Variants in LARP1 observed in about 807,000 individuals in gnomAD.
LARP1 encodes the protein La ribonucleoprotein 1, translational regulator, also known as la-related protein 1.
LARP1 carries 36 observed loss-of-function variants against 122.7 expected under a neutral mutation model. The ratio of observed to expected loss-of-function variants is 0.29; its 90% confidence interval spans 0.22 to 0.39. The LOEUF (loss-of-function observed/expected upper bound fraction) is 0.39. Ranked by LOEUF, LARP1 falls within the 10% of genes least tolerant of loss-of-function variation. The pLI, the probability that LARP1 is intolerant of heterozygous loss-of-function variation, is 1.00. For synonymous variants in LARP1, 539 were observed against 528.7 expected, an observed-to-expected ratio of 1.02 and a Z score of -0.27; for missense variants, 1,040 against 1,403.6, an observed-to-expected ratio of 0.74 and a Z score of 4.14.
chr5:154,688,423 G>T (rs1300566112), intron 1 of LARP1, among the ~76,000 whole-genome samples: 1 of 152,084 alleles, frequency 6.6e-6, no homozygotes, highest in Non-Finnish European at 1.5e-5. Flanking sequence ...GGCTGAGTGG[G>T]CAGATCACGT....
At chr5:154,788,614 G>A (rs1339540648) in intron 1 of LARP1, among the ~76,000 whole-genome samples, 1 of 152,146 alleles carries the variant, frequency 6.6e-6, no homozygotes, top group Non-Finnish European at 1.5e-5. Context: ...GGTGAGCAGA[G>A]CCACAGGATG....
chr5:154,803,422 C>T lies in LARP1; in HGVS notation c.2233+9C>T, dbSNP rs760282708. The T allele has an allele frequency of 3.1e-6, 5 of 1,614,188 alleles. No homozygotes were observed. The South Asian group carries it at 3.3e-5, about 11-fold the overall frequency. Reference sequence around the variant, plus strand: ...ACCTCGGTTCCAGCAAGGTGAGAAGCAGACACCTGAGATCCTGACATGGGT... The same window carrying T: ...ACCTCGGTTCCAGCAAGGTGAGAAGTAGACACCTGAGATCCTGACATGGGT... On this transcript the variant is annotated intron_variant, in intron 12 of 18. Transcript: ENST00000518297. The surrounding 1 kb of genome is among the most constrained non-coding windows in gnomAD (Gnocchi z 4.4).
intron 1 of LARP1, among the ~76,000 whole-genome samples, chr5:154,770,185 G>A (rs1326613082): frequency 6.6e-6 from 1 of 151,760 alleles, no homozygotes; most frequent in Non-Finnish European, 1.5e-5. Flanking sequence ...AGTAGTCCAG[G>A]AAAAAGATGG....
chr5:154,705,877 AAAAC>A (rs1292420073), intron 1 of LARP1: 2 of 152,234 alleles, frequency 1.3e-5, no homozygotes, highest in Non-Finnish European at 2.9e-5. Flanking sequence ...CTATATATCA[AAAAC>A]AAAATAAATC....
At chr5:154,805,631 A>G (rs1031128315) in intron 14 of LARP1, 1 of 418,962 alleles carries the variant, frequency 2.4e-6, no homozygotes, top group African/African-American at 2.1e-5. Context: ...CTGCCATTAA[A>G]TAGTCTTATG....
intron 1 of LARP1, among the ~76,000 whole-genome samples, chr5:154,728,232 C>G (rs1325347707): frequency 6.6e-6 from 1 of 152,154 alleles, no homozygotes; most frequent in Non-Finnish European, 1.5e-5. Context: ...CTTCTTTTAA[C>G]AAGCAGCCTG....
At chr5:154,704,601 C>T (rs145109705) in intron 1 of LARP1, among the ~76,000 whole-genome samples, 6 of 139,632 alleles carry the variant, frequency 4.3e-5, no homozygotes, top group Non-Finnish European at 6.1e-5. Flanking sequence ...AAGCCGAGAT[C>T]GTGCCATTGC....
At chr5:154,796,011 A>G (rs1757763523) in intron 8 of LARP1, among the ~76,000 whole-genome samples, 1 of 100,032 alleles carries the variant, frequency 1.0e-5, no homozygotes, top group African/African-American at 4.0e-5. Context: ...TATATTATAT[A>G]TTTATATATT....
rs1022265057 is a variant in LARP1 at position 154,763,842 on chromosome 5, AC to A, written c.436+7650del. On this transcript the variant is annotated intron_variant, in intron 1 of 18. Transcript: ENST00000518297. ...GTAACATAGGGATACCCCATCTCTT[AC>A]AAAAAAAAAAAAGTACAAAAATTAG... Among the ~76,000 whole-genome samples the A allele has an allele frequency of 1.9e-4, 28 of 149,856 alleles. No homozygotes were observed. In the East Asian group the frequency reaches 5.3e-3, roughly 28 times the overall value.
chr5:154,764,764 G>A (rs1176283104), intron 1 of LARP1, among the ~76,000 whole-genome samples: 1 of 151,568 alleles, frequency 6.6e-6, no homozygotes, highest in Non-Finnish European at 1.5e-5. Flanking sequence ...AAGTAGCTGG[G>A]CGTCATCGTG....
At chr5:154,787,905 A>G (rs1405961588) in intron 1 of LARP1, among the ~76,000 whole-genome samples, 1 of 152,216 alleles carries the variant, frequency 6.6e-6, no homozygotes, top group Non-Finnish European at 1.5e-5. Flanking sequence ...TGAGCTTTCA[A>G]TACTTTACCA....
upstream of LARP1, among the ~76,000 whole-genome samples, chr5:154,751,013 CT>C (rs556808466): frequency 1.1e-4 from 17 of 151,148 alleles, no homozygotes; most frequent in African/African-American, 3.9e-4. Flanking sequence ...TTTGGCCTCT[CT>C]TTTTTTTTGG....
exon 1 of LARP1, chr5:154,713,102 C>A (rs1334905900): frequency 6.2e-7 from 1 of 1,613,942 alleles, no homozygotes; most frequent in Non-Finnish European, 8.5e-7. Context: ...CATTGCCATT[C>A]CCTGTCCTGG....
chr5:154,693,072 G>T, intron 1 of LARP1, among the ~76,000 whole-genome samples: 1 of 147,798 alleles, frequency 6.8e-6, no homozygotes, highest in Non-Finnish European at 1.5e-5. Flanking sequence ...GGATCCTCCT[G>T]CCTCAGCCTC....
At chr5:154,728,147 G>A (rs1423707676) in intron 1 of LARP1, among the ~76,000 whole-genome samples, 3 of 152,162 alleles carry the variant, frequency 2.0e-5, no homozygotes, top group Middle Eastern at 3.2e-3. Flanking sequence ...GAATCACTTG[G>A]CAGGGGGTGT....
chr5:154,708,882 A>T (rs1755078522), upstream of LARP1, among the ~76,000 whole-genome samples: 1 of 152,196 alleles, frequency 6.6e-6, no homozygotes, highest in Non-Finnish European at 1.5e-5. Context: ...AAGTGCTGTG[A>T]TTACAGGTGT....
chr5:154,810,141 A>C (rs966978090), intron 16 of LARP1, among the ~76,000 whole-genome samples: 3 of 152,112 alleles, frequency 2.0e-5, no homozygotes, highest in Non-Finnish European at 4.4e-5. Context: ...ACATCTGTTA[A>C]GATCTAAATC....
chr5:154,773,514 CAT>C (rs1214356749), intron 1 of LARP1, among the ~76,000 whole-genome samples: 2 of 152,136 alleles, frequency 1.3e-5, no homozygotes, highest in Non-Finnish European at 2.9e-5. Context: ...CACATGCACA[CAT>C]GTGTAAGTGC....
intron 8 of LARP1, 105 bp downstream of exon 8, chr5:154,795,424 CT>C: frequency 3.4e-6 from 4 of 1,179,302 alleles, no homozygotes; most frequent in Non-Finnish European, 4.8e-6. Context: ...CATCTGATGA[CT>C]TCTGCTGAAG....
Sources: gnomAD v4.1 joint callset for allele counts (sites outside exome capture counted in the v4.1 genomes callset) on GRCh38, gnomAD v4.1.1 for gene constraint, Gnocchi (gnomAD v3.1) non-coding constraint, MANE v1.5 for transcripts, NCBI Gene and HGNC (gene_info 2026-07-23, HGNC 2026-07-21) for gene names.